Variants in TRHDE observed in about 807,000 individuals in gnomAD.
TRHDE encodes thyrotropin releasing hormone degrading enzyme.
Under a neutral mutation model 125.7 loss-of-function variants are expected in TRHDE, and 72 were observed. The ratio of observed to expected loss-of-function variants is 0.57; its 90% CI spans 0.47 to 0.70. The LOEUF is 0.70. Among genes scored for constraint, TRHDE ranks in the 30% least tolerant of loss-of-function variants. TRHDE has a pLI of 0.00. For synonymous variants in TRHDE, 509 were observed against 509.1 expected (o/e 1.00, Z 0.00); for missense variants, 1,110 against 1,327.1 (o/e 0.84, Z 2.54).
At chr12:72,169,868 A>C (rs1876832732) in intron 2 of TRHDE, among the ~76,000 whole-genome samples, 2 of 152,170 alleles carry the variant, frequency 1.3e-5, no homozygotes, top group Non-Finnish European at 2.9e-5. Flanking sequence ...GACACAGTTC[A>C]GTCCATGATA....
intron 18 of TRHDE, among the ~76,000 whole-genome samples, chr12:72,661,933 T>C (rs1874934298): frequency 6.6e-6 from 1 of 152,180 alleles, no homozygotes; most frequent in African/African-American, 2.4e-5. Context: ...CAAAGGGCTT[T>C]GTAGGAAAGC....
chr12:72,363,664 G>A (rs374978571), intron 2 of TRHDE, among the ~76,000 whole-genome samples: 45 of 152,038 alleles, frequency 3.0e-4, no homozygotes, highest in Admixed American at 9.2e-4. Context: ...AGCCAATATC[G>A]TACTGAATGG....
At chr12:72,621,503 T>G in intron 14 of TRHDE, 141 bp from the exon 15 acceptor site, 1 of 646,058 alleles carries the variant, frequency 1.5e-6, no homozygotes, top group Non-Finnish European at 2.6e-6. Flanking sequence ...ACTTCCACTC[T>G]GCCTAAGTGA....
chr12:72,568,428 A>T (rs1870553639), intron 9 of TRHDE, 140 bp from the exon 10 acceptor site: 4 of 489,754 alleles, frequency 8.2e-6, no homozygotes, highest in Non-Finnish European at 1.4e-5. Flanking sequence ...CCTATGCCTT[A>T]CTTTTGTGAC....
At chr12:72,578,587 G>T (rs1252969148) in intron 12 of TRHDE, among the ~76,000 whole-genome samples, 1 of 152,048 alleles carries the variant, frequency 6.6e-6, no homozygotes, top group Non-Finnish European at 1.5e-5. Context: ...TACTTTTCTG[G>T]TTTCCTGATA....
intron 7 of TRHDE, among the ~76,000 whole-genome samples, chr12:72,557,243 T>G (rs1206394295): frequency 6.6e-6 from 1 of 152,154 alleles, no homozygotes; most frequent in African/African-American, 2.4e-5. Context: ...TTCTGTATCT[T>G]TCCTCTGTAC....
At chr12:72,407,177 G>T (rs1873302888) in intron 3 of TRHDE, among the ~76,000 whole-genome samples, 1 of 152,106 alleles carries the variant, frequency 6.6e-6, no homozygotes, top group Non-Finnish European at 1.5e-5. Context: ...AGCTAGATGG[G>T]GAAGGCTTCA....
intron 12 of TRHDE, among the ~76,000 whole-genome samples, chr12:72,591,632 G>GTTTTTTTTTTTT (rs71071842): frequency 3.2e-5 from 4 of 125,444 alleles, no homozygotes; most frequent in African/African-American, 9.6e-5. Context: ...AAGGATATGG[G>GTTTTTTTTTTTT]TTTTTTTTTT....
intron 5 of TRHDE, among the ~76,000 whole-genome samples, chr12:72,478,935 A>AC (rs1209355151): frequency 6.6e-6 from 1 of 151,130 alleles, no homozygotes. Context: ...AAAAAAAAAA[A>AC]AAAAAACAAA....
At chr12:72,582,671 C>G (rs780791080) in intron 12 of TRHDE, 3 of 941,548 alleles carry the variant, frequency 3.2e-6, no homozygotes, top group Non-Finnish European at 3.8e-6. Flanking sequence ...GCTAACGTTT[C>G]AAAAATGAAA....
chr12:72,138,371 CA>C (rs563910809), intron 2 of TRHDE, among the ~76,000 whole-genome samples: 29 of 150,352 alleles, frequency 1.9e-4, no homozygotes, highest in African/African-American at 6.3e-4. Context: ...GACTCCGTTT[CA>C]AAAAAAAACC....
intron 2 of TRHDE, among the ~76,000 whole-genome samples, chr12:72,219,724 G>A (rs1386018287): frequency 6.6e-6 from 1 of 152,142 alleles, no homozygotes; most frequent in Non-Finnish European, 1.5e-5. Context: ...GATTTTCCCT[G>A]TTAGTCCATG....
intron 6 of TRHDE, among the ~76,000 whole-genome samples, chr12:72,509,968 C>T (rs539522970): frequency 5.9e-5 from 9 of 152,124 alleles, no homozygotes; most frequent in Non-Finnish European, 7.4e-5. Context: ...CAAGGTAATT[C>T]CATATGAATT....
chr12:72,479,769 G>C (rs977599463), intron 5 of TRHDE, among the ~76,000 whole-genome samples: 5 of 149,258 alleles, frequency 3.3e-5, no homozygotes, highest in African/African-American at 1.2e-4. Context: ...CCATTAACTC[G>C]TCATTTAGCA....
At chr12:72,158,241 C>CTCTA (rs1876561815) in intron 2 of TRHDE, among the ~76,000 whole-genome samples, 1 of 151,774 alleles carries the variant, frequency 6.6e-6, no homozygotes, top group African/African-American at 2.4e-5. Flanking sequence ...GGGATGAAAG[C>CTCTA]TAGAATGGAA....
intron 2 of TRHDE, among the ~76,000 whole-genome samples, chr12:72,266,093 G>A (rs4523734): frequency 0.19 from 29,214 of 151,754 alleles, 3,001 homozygotes; most frequent in Middle Eastern, 0.33. Flanking sequence ...TGTAGTAAGC[G>A]AAGTTTTTAA....
intron 3 of TRHDE, among the ~76,000 whole-genome samples, chr12:72,423,279 A>G (rs1047879684): frequency 4.6e-5 from 7 of 152,260 alleles, no homozygotes; most frequent in Non-Finnish European, 5.9e-5. Flanking sequence ...TGAATTTTCA[A>G]CTACAATATT....
intron 12 of TRHDE, among the ~76,000 whole-genome samples, chr12:72,591,632 G>GTTTT (rs71071842): frequency 3.2e-5 from 4 of 125,446 alleles, no homozygotes; most frequent in East Asian, 2.5e-4. Context: ...AAGGATATGG[G>GTTTT]TTTTTTTTTT....
At chr12:72,570,306 C>A (rs770742278) in intron 10 of TRHDE, among the ~76,000 whole-genome samples, 3 of 152,016 alleles carry the variant, frequency 2.0e-5, no homozygotes, top group African/African-American at 7.2e-5. Context: ...CCAGGCTGGG[C>A]GCTGTGGCTC....
Sources: gnomAD v4.1 joint callset for allele counts (sites outside exome capture counted in the v4.1 genomes callset) on GRCh38, gnomAD v4.1.1 for gene constraint, MANE v1.5 for transcripts, NCBI Gene and HGNC (gene_info 2026-07-23, HGNC 2026-07-21) for gene names.